The following GRIK3 variants were observed in gnomAD, a reference collection of about 807,000 sequenced individuals.
GRIK3 encodes the protein glutamate ionotropic receptor kainate type subunit 3.
Under a neutral mutation model 102.5 loss-of-function variants are expected in GRIK3, and 29 were observed. That is an observed-to-expected ratio of 0.28 (90% CI 0.21 to 0.39). The LOEUF (loss-of-function observed/expected upper bound fraction) is 0.39. GRIK3 is among the 10% of genes least tolerant of loss of function. GRIK3 has a pLI of 1.00. For missense variants in GRIK3, 908 were observed against 1,252.4 expected (o/e 0.73, Z 4.15); for synonymous variants, 511 against 504.9 (o/e 1.01, Z -0.16).
intron 1 of GRIK3, 47 bp downstream of exon 1, chr1:37,033,947 G>T: frequency 8.9e-7 from 1 of 1,117,562 alleles, no homozygotes; most frequent in Non-Finnish European, 1.3e-6. Flanking sequence ...CCTCATTCCC[G>T]CCCCCTCCCG....
chr1:36,942,756 T>C (rs1641741603), intron 1 of GRIK3, among the ~76,000 whole-genome samples: 1 of 151,810 alleles, frequency 6.6e-6, no homozygotes, highest in South Asian at 2.1e-4. Flanking sequence ...AACTAGGAAG[T>C]CAGGGGCCAA....
intron 1 of GRIK3, among the ~76,000 whole-genome samples, chr1:36,943,230 T>A (rs1641746416): frequency 7.5e-6 from 1 of 133,750 alleles, no homozygotes; most frequent in Non-Finnish European, 1.6e-5. Flanking sequence ...TTGTTGGGGG[T>A]TGGGGGGGCT....
intron 10 of GRIK3, among the ~76,000 whole-genome samples, chr1:36,835,427 T>C (rs1640365487): frequency 6.6e-6 from 1 of 152,188 alleles, no homozygotes. Flanking sequence ...TGAGACACAC[T>C]TTATAAAGTT....
In GRIK3 at chr1:36,848,235, T is replaced by G. The variant is rs115145842; in HGVS notation, c.1326+2076A>C. On this transcript the variant is annotated intron_variant, in intron 9 of 15. Coordinates refer to ENST00000373091, the MANE Select transcript of GRIK3 (RefSeq NM_000831.4). ...TTGATCTTTCAAGGTGCTTATATTT[T>G]GTATCCTTTTGGTATATTACCTTTA... Among the ~76,000 whole-genome samples the G allele has an allele frequency of 3.4e-3, 512 of 152,358 alleles. 1 individual carries two copies. Among genetic ancestry groups the G allele is most frequent in the Middle Eastern group, 0.014 (4 of 294 alleles).
intron 1 of GRIK3, among the ~76,000 whole-genome samples, chr1:37,024,584 A>C (rs763769151): frequency 2.6e-5 from 4 of 151,556 alleles, no homozygotes; most frequent in Non-Finnish European, 4.4e-5. Context: ...CTCTACTAAA[A>C]ATAGAAAAAT....
chr1:36,966,278 ACATGGG>A (rs1460584273), intron 1 of GRIK3, among the ~76,000 whole-genome samples: 2 of 152,230 alleles, frequency 1.3e-5, no homozygotes, highest in Non-Finnish European at 2.9e-5. Flanking sequence ...CTCAAGCTGG[ACATGGG>A]ACCAGACAGG....
intron 1 of GRIK3, among the ~76,000 whole-genome samples, chr1:36,938,907 C>T (rs780362662): frequency 2.6e-5 from 4 of 152,126 alleles, no homozygotes; most frequent in African/African-American, 7.2e-5. Context: ...ATTCTGGCCT[C>T]GTGGGGAAGC....
intron 4 of GRIK3, 58 bp from the exon 5 acceptor site, chr1:36,869,859 A>G: frequency 8.2e-7 from 1 of 1,217,484 alleles, no homozygotes; most frequent in Non-Finnish European, 1.2e-6. Flanking sequence ...CCCTCCCCAC[A>G]TCCCCACCCA....
intron 13 of GRIK3, among the ~76,000 whole-genome samples, chr1:36,810,287 A>G (rs1570737033): frequency 6.6e-6 from 1 of 152,042 alleles, no homozygotes; most frequent in South Asian, 2.1e-4. Context: ...AGTCTCACAT[A>G]CCTACAGCTC....
intron 7 of GRIK3, among the ~76,000 whole-genome samples, chr1:36,854,453 C>T (rs150148768): frequency 6.6e-6 from 1 of 152,238 alleles, no homozygotes; most frequent in Non-Finnish European, 1.5e-5. Flanking sequence ...TCATTAGCGT[C>T]ATTAATAACA....
chr1:36,928,461 G>C lies in GRIK3; in HGVS notation c.116-37365C>G, dbSNP rs537183463. ...ATCAAAGTGGCAATGGCAAGTGTTT[G>C]GGGTGGGGGTGGAAATTATGATGTC... On this transcript the variant is annotated intron_variant, in intron 1 of 15. Transcript: ENST00000373091. Among the ~76,000 whole-genome samples the C allele has an allele frequency of 4.6e-5, 7 of 152,330 alleles. No homozygotes were observed. The South Asian group carries it at 1.4e-3, about 32-fold the overall frequency.
chr1:36,898,453 T>C (rs967249106), intron 1 of GRIK3, among the ~76,000 whole-genome samples: 2 of 152,126 alleles, frequency 1.3e-5, no homozygotes, highest in East Asian at 1.9e-4. Context: ...CTCATAAATA[T>C]ATACATCTAT....
Position 36,796,361 on chromosome 1 carries a change from A to T in GRIK3, c.*5490T>A, listed in dbSNP as rs1642365401. The T allele has an allele frequency of 6.6e-6, 1 of 152,202 alleles. No individual in the cohort carries two copies. The highest frequency in any genetic ancestry group is 6.5e-5 in the Admixed American group (1 of 15,276). The allele number at this position is 152,202 out of a possible 1,614,324, so 9.4% of individuals were successfully genotyped here. The stretch of plus-strand genomic sequence containing the variant: ...GATGGAGCCTGGGCTGTGCTAGGAT[A>T]GGAGCTACCTTCTTGCCTCTCATCT... On this transcript the variant is annotated 3_prime_UTR_variant, in exon 16 of 16. Transcript: ENST00000373091.
intron 1 of GRIK3, among the ~76,000 whole-genome samples, chr1:37,015,397 A>C (rs1642642893): frequency 6.6e-6 from 1 of 152,192 alleles, no homozygotes; most frequent in Non-Finnish European, 1.5e-5. Context: ...CCGCAAAGAA[A>C]ACATCTCCCA....
intron 1 of GRIK3, among the ~76,000 whole-genome samples, chr1:36,966,759 C>A (rs993213681): frequency 6.6e-6 from 1 of 151,110 alleles, no homozygotes; most frequent in Non-Finnish European, 1.5e-5. Context: ...TTCCAGGATA[C>A]AGACCACCCC....
intron 1 of GRIK3, among the ~76,000 whole-genome samples, chr1:36,966,196 G>T (rs1642076280): frequency 1.3e-5 from 2 of 152,188 alleles, no homozygotes; most frequent in Admixed American, 1.3e-4. Context: ...TATCCTGAGG[G>T]TTTGCCCCAA....
chr1:37,033,276 A>T (rs1642848196), intron 1 of GRIK3, among the ~76,000 whole-genome samples: 1 of 152,154 alleles, frequency 6.6e-6, no homozygotes, highest in African/African-American at 2.4e-5. Flanking sequence ...GGCTAACTTT[A>T]AAAACCGCTG....
chr1:36,919,434 A>T (rs1231110605), intron 1 of GRIK3, among the ~76,000 whole-genome samples: 2 of 151,752 alleles, frequency 1.3e-5, no homozygotes. Flanking sequence ...GGTTAGTTAC[A>T]TATGTATACA....
chr1:36,989,489 G>T (rs1175233669), intron 1 of GRIK3, among the ~76,000 whole-genome samples: 2 of 152,240 alleles, frequency 1.3e-5, no homozygotes, highest in African/African-American at 4.8e-5. Flanking sequence ...GTGCGAAGGA[G>T]GTCAAGGTTA....
Sources: allele counts gnomAD v4.1 joint callset (sites outside exome capture counted in the v4.1 genomes callset), GRCh38; gene constraint gnomAD v4.1.1; transcripts MANE v1.5; gene names NCBI Gene and HGNC (gene_info 2026-07-23, HGNC 2026-07-21).